SLC25A24: variants seen among roughly 807,000 people sequenced by gnomAD.
SLC25A24 encodes solute carrier family 25 member 24.
SLC25A24 carries 49 observed loss-of-function variants against 60.7 expected under a neutral mutation model. The observed-to-expected ratio is 0.81, with a 90% CI of 0.64 to 1.02. The LOEUF is 1.02. Ranked by LOEUF, SLC25A24 falls within the 50% of genes least tolerant of loss-of-function variation. The pLI is 0.00. For synonymous variants in SLC25A24, 202 were observed against 200.6 expected (o/e 1.01, Z -0.06); for missense variants, 564 against 586.3 (o/e 0.96, Z 0.39).
intron 3 of SLC25A24, among the ~76,000 whole-genome samples, chr1:108,170,549 T>C (rs1330815944): frequency 6.6e-6 from 1 of 152,156 alleles, no homozygotes; most frequent in African/African-American, 2.4e-5. Flanking sequence ...ACAGGAAGAA[T>C]TGTGTTAAAA....
chr1:108,172,327 T>C (rs1647492164), intron 3 of SLC25A24, among the ~76,000 whole-genome samples: 1 of 152,198 alleles, frequency 6.6e-6, no homozygotes, highest in South Asian at 2.1e-4. Context: ...GTCTGTTTTG[T>C]GTTGTTTTAA....
chr1:108,163,427 G>A (rs1238017910), intron 3 of SLC25A24, among the ~76,000 whole-genome samples: 1 of 150,334 alleles, frequency 6.7e-6, no homozygotes, highest in Non-Finnish European at 1.5e-5. Flanking sequence ...CTACCCATGA[G>A]CATGGAATGT....
At chr1:108,178,184 C>CAAA (rs1277445823) in intron 3 of SLC25A24, among the ~76,000 whole-genome samples, 6 of 151,534 alleles carry the variant, frequency 4.0e-5, no homozygotes, top group Non-Finnish European at 8.8e-5. Context: ...ACAACAACAA[C>CAAA]AACAAATAAA....
intron 1 of SLC25A24, among the ~76,000 whole-genome samples, chr1:108,194,728 G>A (rs747182206): frequency 4.6e-5 from 7 of 152,268 alleles, no homozygotes; most frequent in Non-Finnish European, 8.8e-5. Flanking sequence ...AATGAAGAAC[G>A]CTGTCAGTGT....
chr1:108,147,855 C>T (rs1018555392), intron 7 of SLC25A24, among the ~76,000 whole-genome samples: 11 of 152,126 alleles, frequency 7.2e-5, no homozygotes, highest in Non-Finnish European at 8.8e-5. Context: ...CAATGGAATA[C>T]AGCAGAAGAG....
rs1225951092 is a variant in SLC25A24 at position 108,135,121 on chromosome 1, C to CT, written c.*1531dup. ...CTGATCATGTACCTTAATATTGTCACTTTATATATTACTCAAAAGTACAAA... is the reference window on the plus strand; with the variant it reads ...CTGATCATGTACCTTAATATTGTCACTTTTATATATTACTCAAAAGTACAAA... On this transcript the variant is annotated 3_prime_UTR_variant, in exon 10 of 10. Transcript: ENST00000565488. The CT allele has an allele frequency of 1.3e-5, 2 of 152,458 alleles. No individual in the cohort carries two copies. Among genetic ancestry groups the CT allele is most frequent in the Non-Finnish European group, 2.9e-5 (2 of 67,980 alleles). The allele number at this position is 152,458 out of a possible 1,614,324, so 9.4% of individuals were successfully genotyped here.
chr1:108,166,113 A>G (rs1680245773), intron 3 of SLC25A24, among the ~76,000 whole-genome samples: 1 of 152,170 alleles, frequency 6.6e-6, no homozygotes, highest in South Asian at 2.1e-4. Context: ...AGAATGTTGA[A>G]TATTGGCCCC....
intron 3 of SLC25A24, among the ~76,000 whole-genome samples, chr1:108,171,779 T>C (rs1241262966): frequency 6.6e-6 from 1 of 152,162 alleles, no homozygotes; most frequent in Non-Finnish European, 1.5e-5. Context: ...GTATTTCACA[T>C]GTTAACTCAT....
At chr1:108,148,137 C>T (rs1395774630) in intron 7 of SLC25A24, 142 bp downstream of exon 7, 2 of 640,448 alleles carry the variant, frequency 3.1e-6, no homozygotes, top group Admixed American at 5.0e-5. Flanking sequence ...CCCAGCTAAG[C>T]TGCTTCCAGA....
chr1:108,192,990 G>A (rs894884108), intron 1 of SLC25A24, among the ~76,000 whole-genome samples: 2 of 139,636 alleles, frequency 1.4e-5, no homozygotes, highest in African/African-American at 5.0e-5. Flanking sequence ...GAAACTTCCA[G>A]GGAGAACCCA....
chr1:108,147,903 C>G (rs1480963847), intron 7 of SLC25A24, among the ~76,000 whole-genome samples: 1 of 152,206 alleles, frequency 6.6e-6, no homozygotes, highest in East Asian at 1.9e-4. Flanking sequence ...CACTCTCTCT[C>G]TCTCTCTCTG....
At chr1:108,164,478 T>C (rs899121229) in intron 3 of SLC25A24, among the ~76,000 whole-genome samples, 1 of 152,114 alleles carries the variant, frequency 6.6e-6, no homozygotes, top group Non-Finnish European at 1.5e-5. Context: ...GATCCTGTTA[T>C]TGGTCTATTC....
intron 3 of SLC25A24, among the ~76,000 whole-genome samples, chr1:108,169,625 A>G (rs1647374698): frequency 6.6e-6 from 1 of 152,198 alleles, no homozygotes; most frequent in Non-Finnish European, 1.5e-5. Flanking sequence ...AGGATAGGAC[A>G]GTGTACTTCT....
rs775151700 is a variant in SLC25A24 at position 108,139,073 on chromosome 1, G to T, written c.1234C>A (p.Arg412Ser). 3 of 1,597,896 alleles carry T rather than the reference G, an allele frequency of 1.9e-6. No individual in the cohort carries two copies. The highest frequency in any genetic ancestry group is 2.6e-6 in the Non-Finnish European group (3 of 1,173,162). The part of the protein sequence containing the change: ...ASYPLALVRT[R>S]MQAQAMLEGS... Reference sequence around the variant, plus strand: ...AAAAATTCACCTTGAGCCTGCATGCGAGTTCTCACCAAAGCCAATGGGTAG... The same window carrying T: ...AAAAATTCACCTTGAGCCTGCATGCTAGTTCTCACCAAAGCCAATGGGTAG... Residue 412 changes from arginine to serine, a missense_variant, in exon 9 of 10, where the codon CGC becomes AGC. Physicochemically the swap from Arg to Ser is moderately radical, Grantham distance 110. Transcript: ENST00000565488.
At chr1:108,160,876 T>C (rs1463521534) in intron 4 of SLC25A24, among the ~76,000 whole-genome samples, 4 of 151,398 alleles carry the variant, frequency 2.6e-5, no homozygotes, top group South Asian at 2.1e-4. Context: ...GGCAGGGAGG[T>C]TGCAGTGAGC....
chr1:108,151,392 T>C (rs751998830), intron 6 of SLC25A24, among the ~76,000 whole-genome samples: 6 of 152,228 alleles, frequency 3.9e-5, no homozygotes, highest in Non-Finnish European at 5.9e-5. Flanking sequence ...CATTTCAGCA[T>C]GGTTTCTCAT....
intron 3 of SLC25A24, among the ~76,000 whole-genome samples, chr1:108,179,141 C>T (rs1300649924): frequency 1.4e-5 from 2 of 147,356 alleles, no homozygotes; most frequent in Admixed American, 6.7e-5. Context: ...AAAAAAAGCT[C>T]GATATCACTA....
In SLC25A24 at chr1:108,139,138, C is replaced by T. The variant is rs373123689; in HGVS notation, c.1169G>A (p.Gly390Glu). 2 of 1,611,298 alleles carry T rather than the reference C, an allele frequency of 1.2e-6. No homozygotes were observed. The highest frequency in any genetic ancestry group is 1.3e-5 in the African/African-American group (1 of 74,842). The change falls in exon 9 of 10, where the codon GGA becomes GAA. Residue 390 changes from glycine to glutamate, a missense_variant. Gly to Glu is a moderately conservative substitution (Grantham distance 98). Transcript: ENST00000565488. ...SVNPGVMVLLGCGALSSTCGQ... is the reference protein window; with the variant it reads ...SVNPGVMVLLECGALSSTCGQ... ...ACAGGTGCTGGATAAGGCACCGCAT[C>T]CCAGCAACACCATGACTCCAGGGTT... is the stretch of plus-strand genomic sequence containing the variant.
intron 4 of SLC25A24, among the ~76,000 whole-genome samples, chr1:108,158,661 T>A (rs1679967669): frequency 6.6e-6 from 1 of 150,934 alleles, no homozygotes; most frequent in Non-Finnish European, 1.5e-5. Flanking sequence ...TAATGCATAT[T>A]TAATTTAGTC....
Sources: gnomAD v4.1 joint callset for allele counts (sites outside exome capture counted in the v4.1 genomes callset) on GRCh38, gnomAD v4.1.1 for gene constraint, MANE v1.5 for transcripts, NCBI Gene and HGNC (gene_info 2026-07-23, HGNC 2026-07-21) for gene names.